Variants in TRAK1 observed in about 807,000 individuals in gnomAD.
TRAK1 encodes the protein trafficking kinesin-binding protein 1.
TRAK1 carries 33 observed loss-of-function variants against 92.1 expected under a neutral mutation model. The ratio of observed to expected loss-of-function variants is 0.36; its 90% CI spans 0.27 to 0.48. The LOEUF (loss-of-function observed/expected upper bound fraction) is 0.48. Ranked by LOEUF, TRAK1 falls within the 20% of genes least tolerant of loss-of-function variation. The probability of loss-of-function intolerance (pLI) is 0.99; values close to 1 mark genes in which losing one functional copy is unlikely to be tolerated. For missense variants in TRAK1, 1,123 were observed against 1,257.9 expected (o/e 0.89, Z 1.62); for synonymous variants, 521 against 517.3 (o/e 1.01, Z -0.10).
At chr3:42,098,801 T>G (rs2149003466) in intron 1 of TRAK1, among the ~76,000 whole-genome samples, 1 of 152,278 alleles carries the variant, frequency 6.6e-6, no homozygotes, top group South Asian at 2.1e-4. Context: ...GGAGCCCAGT[T>G]GCAGGGAGAG....
At chr3:42,079,360 T>C (rs537928635) in intron 1 of TRAK1, among the ~76,000 whole-genome samples, 1 of 152,222 alleles carries the variant, frequency 6.6e-6, no homozygotes, top group South Asian at 2.1e-4. Context: ...TGGCTGGCCA[T>C]GGAGGGGATC....
intron 1 of TRAK1, among the ~76,000 whole-genome samples, chr3:42,068,395 G>A (rs528117630): frequency 2.0e-5 from 3 of 152,242 alleles, no homozygotes; most frequent in African/African-American, 7.2e-5. Context: ...CGAACTTTTG[G>A]CCTTAAATGA....
At chr3:42,060,625 C>CTTTTTTTTTT (rs1299725245) in intron 1 of TRAK1, among the ~76,000 whole-genome samples, 8 of 123,298 alleles carry the variant, frequency 6.5e-5, no homozygotes, top group African/African-American at 2.6e-4. Flanking sequence ...TTTTTGGCTG[C>CTTTTTTTTTT]TTTTTTTTTT....
At chr3:42,204,584 A>G (rs1708105476) in intron 13 of TRAK1, among the ~76,000 whole-genome samples, 1 of 151,992 alleles carries the variant, frequency 6.6e-6, no homozygotes, top group South Asian at 2.1e-4. Flanking sequence ...TTAGCTGTTT[A>G]TTTATGTATT....
chr3:42,115,574 T>G (rs1316258033), intron 1 of TRAK1, among the ~76,000 whole-genome samples: 1 of 152,184 alleles, frequency 6.6e-6, no homozygotes, highest in Non-Finnish European at 1.5e-5. Context: ...ACTGTGTAAT[T>G]TTGTGTCCGT....
At chr3:42,212,386 AGCTGGTATGATAGAAG>A in intron 14 of TRAK1, 3 of 985,444 alleles carry the variant, frequency 3.0e-6, no homozygotes, top group Non-Finnish European at 3.6e-6. Flanking sequence ...TTTTATGTGC[AGCTGGTATGATAGAAG>A]GAAATTGGGA....
chr3:42,094,988 A>G (rs1166546670), intron 1 of TRAK1, among the ~76,000 whole-genome samples: 5 of 152,342 alleles, frequency 3.3e-5, no homozygotes, highest in East Asian at 3.9e-4. Flanking sequence ...GATGAGGTCC[A>G]CTTCACTCAC....
In TRAK1 at chr3:42,219,516, G is replaced by T; in HGVS notation, c.1986G>T (p.Met662Ile). 6.2e-7 allele frequency: 1 copy of T among 1,613,246 alleles called. No homozygotes were observed. The highest frequency in any genetic ancestry group is 8.5e-7 in the Non-Finnish European group (1 of 1,179,532). ...ETSAHHPGKC[M>I]SQTNSTFTFT... The stretch of plus-strand genomic sequence containing the variant: ...TAGCGCACCATCCTGGGAAGTGCAT[G>T]TCTCAGACCAACTCCACCTTCACCT... The change falls in exon 15 of 16, where the codon ATG becomes ATT. Residue 662 changes from methionine (M) to isoleucine (I), a missense_variant. Coordinates refer to ENST00000327628, the MANE Select transcript of TRAK1 (RefSeq NM_001042646.3).
chr3:42,135,637 C>A (rs576532518), intron 2 of TRAK1, among the ~76,000 whole-genome samples: 17 of 152,324 alleles, frequency 1.1e-4, no homozygotes, highest in African/African-American at 3.8e-4. Context: ...GTTTTACTTT[C>A]GGCCTGTGTT....
Position 42,223,009 on chromosome 3 carries a change from CCA to C in TRAK1, c.2135_2136del (p.Pro712LeufsTer10). The C allele has an allele frequency of 3.1e-6, 5 of 1,614,170 alleles. No homozygotes were observed. The highest frequency in any genetic ancestry group is 4.2e-6 in the Non-Finnish European group (5 of 1,180,030). Reference sequence around the variant, plus strand: ...CTTGAAATCCACGCCGGTGGCCACACCATGCACTCCACGGAGACTGAGCCTGG... The same window carrying C: ...CTTGAAATCCACGCCGGTGGCCACACTGCACTCCACGGAGACTGAGCCTGG... ...SHLKSTPVAT[P>X]CTPRRLSLAE... On this transcript the variant is annotated frameshift_variant, in exon 16 of 16. Coordinates refer to ENST00000327628, the MANE Select transcript of TRAK1 (RefSeq NM_001042646.3). LOFTEE classifies it high-confidence loss of function. This position sits in a 1 kb window ranked among gnomAD's most constrained non-coding sequence, Gnocchi z 6.1.
chr3:42,201,893 C>CGG, intron 12 of TRAK1, among the ~76,000 whole-genome samples: 1 of 145,572 alleles, frequency 6.9e-6, no homozygotes. Flanking sequence ...GACACACACA[C>CGG]ACACACACAC....
chr3:42,190,040 G>A (rs1201519319), intron 6 of TRAK1, among the ~76,000 whole-genome samples: 2 of 152,026 alleles, frequency 1.3e-5, no homozygotes, highest in Non-Finnish European at 2.9e-5. Context: ...TTGATAACCC[G>A]AGGTCATTTG....
chr3:42,193,266 C>T (rs3816397), intron 8 of TRAK1, 61 bp downstream of exon 8: 4 of 1,593,944 alleles, frequency 2.5e-6, no homozygotes, highest in African/African-American at 1.3e-5. Context: ...GGGGAAGGGA[C>T]ATTTACTCCA....
At chr3:42,113,355 CGCCT>C (rs1708721978) in intron 1 of TRAK1, among the ~76,000 whole-genome samples, 3 of 136,664 alleles carry the variant, frequency 2.2e-5, no homozygotes, top group African/African-American at 6.1e-5. Context: ...CCTACTCCTA[CGCCT>C]ACGCCTACGC....
At chr3:42,031,032 A>AT (rs1559710077) in intron 1 of TRAK1, among the ~76,000 whole-genome samples, 5 of 100,700 alleles carry the variant, frequency 5.0e-5, no homozygotes, top group African/African-American at 1.6e-4. Flanking sequence ...CAGCTATTTG[A>AT]ATTTTTTTTT....
At chr3:42,110,551 T>C (rs1012150040) in intron 1 of TRAK1, among the ~76,000 whole-genome samples, 5 of 152,178 alleles carry the variant, frequency 3.3e-5, no homozygotes, top group African/African-American at 1.2e-4. Flanking sequence ...ACATTCACAC[T>C]ATTCTGACTT....
chr3:42,156,881 G>GCACA (rs1279612594), intron 2 of TRAK1, among the ~76,000 whole-genome samples: 7 of 152,290 alleles, frequency 4.6e-5, no homozygotes, highest in African/African-American at 1.7e-4. Context: ...CGGGTTCTGT[G>GCACA]GCTCATGCCC....
intron 1 of TRAK1, among the ~76,000 whole-genome samples, chr3:42,044,769 C>T (rs1350553686): frequency 6.6e-6 from 1 of 152,082 alleles, no homozygotes; most frequent in African/African-American, 2.4e-5. Context: ...GATTTCATGG[C>T]AAAGATCAAC....
At chr3:42,023,868 C>T (rs1209589622) in intron 1 of TRAK1, among the ~76,000 whole-genome samples, 1 of 150,976 alleles carries the variant, frequency 6.6e-6, no homozygotes, top group East Asian at 2.0e-4. Context: ...ATTCTCCTGC[C>T]TCAGCCTCCC....
Sources: gnomAD v4.1 joint callset for allele counts (sites outside exome capture counted in the v4.1 genomes callset) on GRCh38, gnomAD v4.1.1 for gene constraint, Gnocchi (gnomAD v3.1) non-coding constraint, MANE v1.5 for transcripts, NCBI Gene and HGNC (gene_info 2026-07-23, HGNC 2026-07-21) for gene names.